EXOC2: variants seen among roughly 807,000 people sequenced by gnomAD.
EXOC2 encodes SEC5-like 1.
EXOC2 carries 70 observed loss-of-function variants against 131.8 expected under a neutral mutation model. The observed-to-expected ratio is 0.53, with a 90% CI of 0.44 to 0.65. The LOEUF (loss-of-function observed/expected upper bound fraction) is 0.65. Among genes scored for constraint, EXOC2 ranks in the 30% least tolerant of loss-of-function variants. The probability of loss-of-function intolerance (pLI) is 0.00; values close to 1 mark genes in which losing one functional copy is unlikely to be tolerated. For synonymous variants in EXOC2, 411 were observed against 398.4 expected (o/e 1.03, Z -0.38); for missense variants, 923 against 1,108.6 (o/e 0.83, Z 2.38).
rs377024062 is a variant in EXOC2 at position 486,777 on chromosome 6, G to C, written c.2682-13C>G. 2.5e-5 allele frequency: 41 copies of C among 1,610,234 alleles called. No homozygotes were observed. Among genetic ancestry groups the C allele is most frequent in the Admixed American group, 5.0e-5 (3 of 59,888 alleles). ...CTCTTCCAGTAACCTGCAGGACGGA[G>C]ACACTTGTTTTACAGCCCGACAGAT... On this transcript the variant is annotated splice_polypyrimidine_tract_variant and intron_variant, in intron 27 of 27. Coordinates refer to ENST00000230449, the MANE Select transcript of EXOC2 (RefSeq NM_018303.6).
intron 22 of EXOC2, among the ~76,000 whole-genome samples, chr6:545,927 A>G (rs1053060232): frequency 6.6e-6 from 1 of 152,236 alleles, no homozygotes. Flanking sequence ...AGTACTCATG[A>G]TAGAATATAT....
intron 22 of EXOC2, among the ~76,000 whole-genome samples, chr6:548,064 C>G (rs1225923253): frequency 6.6e-6 from 1 of 151,980 alleles, no homozygotes; most frequent in East Asian, 1.9e-4. Flanking sequence ...ACAAAGCAAC[C>G]ACCTTCTACA....
intron 11 of EXOC2, among the ~76,000 whole-genome samples, chr6:582,086 C>A (rs1350122708): frequency 1.3e-5 from 2 of 152,142 alleles, no homozygotes; most frequent in African/African-American, 2.4e-5. Context: ...TAAAATTTAT[C>A]ATTTTTCTAA....
intron 1 of EXOC2, chr6:669,105 C>T (rs1470974249): frequency 6.6e-6 from 1 of 152,336 alleles, no homozygotes; most frequent in African/African-American, 2.4e-5. Flanking sequence ...ATCCCACACC[C>T]GGCTGATCTC....
intron 22 of EXOC2, among the ~76,000 whole-genome samples, chr6:533,205 G>A (rs1169138959): frequency 6.6e-6 from 1 of 152,110 alleles, no homozygotes; most frequent in East Asian, 1.9e-4. Context: ...GGGACAGAAA[G>A]CCTAACCATA....
chr6:635,699 T>C (rs1300812238), intron 2 of EXOC2, among the ~76,000 whole-genome samples: 1 of 152,262 alleles, frequency 6.6e-6, no homozygotes, highest in Non-Finnish European at 1.5e-5. Context: ...AGGTTAAGTT[T>C]GCTTTTTTAA....
intron 22 of EXOC2, 121 bp from the exon 23 acceptor site, chr6:532,731 C>T: frequency 1.0e-6 from 1 of 989,528 alleles, no homozygotes; most frequent in Non-Finnish European, 1.4e-6. Context: ...CCTACAAAAA[C>T]TCGTGACTTT....
chr6:689,377 A>C (rs954037843), intron 1 of EXOC2, among the ~76,000 whole-genome samples: 4 of 152,236 alleles, frequency 2.6e-5, no homozygotes, highest in African/African-American at 7.2e-5. Flanking sequence ...AACAAACAAC[A>C]AAAAAGAACT....
intron 1 of EXOC2, among the ~76,000 whole-genome samples, chr6:681,090 G>A (rs1352602954): frequency 6.6e-6 from 1 of 152,186 alleles, no homozygotes; most frequent in Non-Finnish European, 1.5e-5. Flanking sequence ...TCTGTACTGT[G>A]TGCCATGCAC....
chr6:568,462 T>A (rs1758095400), intron 13 of EXOC2, among the ~76,000 whole-genome samples: 2 of 152,218 alleles, frequency 1.3e-5, no homozygotes, highest in African/African-American at 2.4e-5. Context: ...GGGCAATGCA[T>A]CCTGCAGACC....
Position 556,042 on chromosome 6 carries a change from T to C in EXOC2, c.1933-29A>G, listed in dbSNP as rs532679218. The stretch of plus-strand genomic sequence containing the variant: ...TAAGGAAGAATTTTGATGAAAATTT[T>C]TGGACTTTGCTAAGAAAAGGTTTTT... On this transcript the variant is annotated intron_variant, in intron 18 of 27. Transcript: ENST00000230449. 2.2e-5 allele frequency: 35 copies of C among 1,609,176 alleles called. No homozygotes were observed. In the South Asian group the frequency reaches 3.6e-4, roughly 16 times the overall value.
intron 1 of EXOC2, among the ~76,000 whole-genome samples, chr6:642,824 T>C (rs144018598): frequency 0.015 from 2,244 of 151,962 alleles, 33 homozygotes; most frequent in Non-Finnish European, 0.02. Flanking sequence ...TGATTATAGA[T>C]CAATATAGTT....
At chr6:671,603 T>A (rs1330198933) in intron 1 of EXOC2, among the ~76,000 whole-genome samples, 2 of 152,200 alleles carry the variant, frequency 1.3e-5, no homozygotes, top group African/African-American at 4.8e-5. Context: ...TTTTAACATT[T>A]TAACTTCTTT....
At chr6:674,877 C>T (rs943702294) in intron 1 of EXOC2, among the ~76,000 whole-genome samples, 5 of 152,072 alleles carry the variant, frequency 3.3e-5, no homozygotes, top group African/African-American at 1.2e-4. Context: ...TAGGCTCCTC[C>T]AATCAGGGAC....
chr6:547,790 T>A (rs192031349), intron 22 of EXOC2, among the ~76,000 whole-genome samples: 1 of 152,272 alleles, frequency 6.6e-6, no homozygotes, highest in Non-Finnish European at 1.5e-5. Context: ...TACTGCTAAA[T>A]CTCCAGATCC....
chr6:567,818 A>C (rs1374781662), intron 13 of EXOC2, among the ~76,000 whole-genome samples: 2 of 152,194 alleles, frequency 1.3e-5, no homozygotes, highest in African/African-American at 2.4e-5. Flanking sequence ...ATACTTAAGA[A>C]AGTGTAACTG....
chr6:647,623 A>G (rs1762635976), intron 1 of EXOC2, among the ~76,000 whole-genome samples: 1 of 125,340 alleles, frequency 8.0e-6, no homozygotes, highest in Admixed American at 1.0e-4. Context: ...CTCACATTCT[A>G]ATAACCTTCA....
At chr6:595,428 T>C (rs1759755617) in intron 10 of EXOC2, among the ~76,000 whole-genome samples, 1 of 152,048 alleles carries the variant, frequency 6.6e-6, no homozygotes. Context: ...CAGTATTTTC[T>C]CAAAGCATCG....
At chr6:614,645 T>G (rs978917498) in intron 6 of EXOC2, among the ~76,000 whole-genome samples, 2 of 151,976 alleles carry the variant, frequency 1.3e-5, no homozygotes, top group African/African-American at 4.8e-5. Flanking sequence ...CCATCAAAAG[T>G]GACAAAGTAA....
Sources: allele counts gnomAD v4.1 joint callset (sites outside exome capture counted in the v4.1 genomes callset), GRCh38; gene constraint gnomAD v4.1.1; transcripts MANE v1.5; gene names NCBI Gene and HGNC (gene_info 2026-07-23, HGNC 2026-07-21).